The following LOC128462377 variants were observed in gnomAD, a reference collection of about 807,000 sequenced individuals.
chr16:89,402,934 C>T, the LOC128462377 span, among the ~76,000 whole-genome samples: 1 of 152,154 alleles, frequency 6.6e-6, no homozygotes, highest in Admixed American at 6.5e-5. Context: ...ACAAAGCAGG[C>T]AACCTAGCCT....
chr16:89,340,956 T>G, the LOC128462377 span, among the ~76,000 whole-genome samples: 10 of 152,146 alleles, frequency 6.6e-5, no homozygotes, highest in African/African-American at 1.9e-4. Context: ...CATCAGCCAA[T>G]AGAGTCCTGG....
chr16:89,345,997 T>C, the LOC128462377 span, among the ~76,000 whole-genome samples: 1 of 152,040 alleles, frequency 6.6e-6, no homozygotes, highest in African/African-American at 2.4e-5. Context: ...ATCCCAGCAC[T>C]TTGGGAGGCC....
At chr16:89,413,718 C>T in the LOC128462377 span, among the ~76,000 whole-genome samples, 1 of 152,198 alleles carries the variant, frequency 6.6e-6, no homozygotes, top group Non-Finnish European at 1.5e-5. Flanking sequence ...TGTCAGCAGC[C>T]GCCAGGAACC....
At chr16:89,352,101 G>A in the LOC128462377 span, among the ~76,000 whole-genome samples, 1 of 151,574 alleles carries the variant, frequency 6.6e-6, no homozygotes, top group Admixed American at 6.6e-5. Context: ...ATGTTGGTCA[G>A]ATTGGTCTCA....
the LOC128462377 span, among the ~76,000 whole-genome samples, chr16:89,415,829 C>CAAACAAA: frequency 2.5e-5 from 1 of 39,744 alleles, no homozygotes; most frequent in African/African-American, 9.3e-5. Context: ...GACTCTGTCT[C>CAAACAAA]AAAAAAAAAA....
At chr16:89,408,656 G>A in the LOC128462377 span, among the ~76,000 whole-genome samples, 2 of 151,434 alleles carry the variant, frequency 1.3e-5, no homozygotes, top group Non-Finnish European at 2.9e-5. Flanking sequence ...GCCCCTCCTC[G>A]CACCCCCTGC....
At chr16:89,385,349 G>C in the LOC128462377 span, among the ~76,000 whole-genome samples, 1 of 151,638 alleles carries the variant, frequency 6.6e-6, no homozygotes, top group Non-Finnish European at 1.5e-5. Context: ...GGCTGGTCTC[G>C]AACTCCTGAC....
chr16:89,383,178 G>T, the LOC128462377 span, among the ~76,000 whole-genome samples: 1 of 152,224 alleles, frequency 6.6e-6, no homozygotes, highest in African/African-American at 2.4e-5. Context: ...CTGAGTAAAG[G>T]GAGCGGTGCG....
At chr16:89,398,070 G>A in the LOC128462377 span, among the ~76,000 whole-genome samples, 852 of 150,474 alleles carry the variant, frequency 5.7e-3, 5 homozygotes, top group African/African-American at 0.02. Context: ...ATCTGGTGAC[G>A]CTGTGAAACA....
chr16:89,317,069 C>T, the LOC128462377 span: 3 of 1,568,488 alleles, frequency 1.9e-6, no homozygotes, highest in South Asian at 3.4e-5. Flanking sequence ...GCTTCATCAT[C>T]AACCGTCTGC....
At chr16:89,409,708 A>C in the LOC128462377 span, among the ~76,000 whole-genome samples, 1 of 152,226 alleles carries the variant, frequency 6.6e-6, no homozygotes, top group Non-Finnish European at 1.5e-5. Flanking sequence ...CCATTACAAC[A>C]CTGAAGTTTA....
At chr16:89,417,296 A>G in the LOC128462377 span, among the ~76,000 whole-genome samples, 696 of 152,302 alleles carry the variant, frequency 4.6e-3, 6 homozygotes, top group African/African-American at 0.015. Flanking sequence ...AAAACAGATT[A>G]TGTATTTTTG....
At chr16:89,347,519 G>A in the LOC128462377 span, among the ~76,000 whole-genome samples, 1 of 151,410 alleles carries the variant, frequency 6.6e-6, no homozygotes, top group African/African-American at 2.4e-5. Flanking sequence ...GCTGAGGCAG[G>A]AGAATGGCGT....
the LOC128462377 span, among the ~76,000 whole-genome samples, chr16:89,320,815 G>C: frequency 2.0e-5 from 3 of 152,266 alleles, no homozygotes; most frequent in African/African-American, 7.2e-5. Flanking sequence ...GCTGGGAACA[G>C]CCGTCCTTGC....
chr16:89,405,620 C>T, the LOC128462377 span, among the ~76,000 whole-genome samples: 1 of 152,032 alleles, frequency 6.6e-6, no homozygotes, highest in Non-Finnish European at 1.5e-5. Context: ...AGGCCTGAGC[C>T]GCCATGCCCG....
chr16:89,338,358 T>C, the LOC128462377 span, among the ~76,000 whole-genome samples: 1 of 149,040 alleles, frequency 6.7e-6, no homozygotes, highest in South Asian at 2.1e-4. Flanking sequence ...ACTGACTACC[T>C]GCAAAATTGA....
chr16:89,340,623 G>A, the LOC128462377 span, among the ~76,000 whole-genome samples: 1 of 152,246 alleles, frequency 6.6e-6, no homozygotes, highest in East Asian at 1.9e-4. Context: ...AGGGGAAACA[G>A]TACTTTGCAC....
the LOC128462377 span, among the ~76,000 whole-genome samples, chr16:89,416,006 T>G: frequency 6.6e-6 from 1 of 151,898 alleles, no homozygotes; most frequent in Non-Finnish European, 1.5e-5. Flanking sequence ...ACAGACCTCA[T>G]GCTAAGGGCC....
At chr16:89,394,606 C>T in the LOC128462377 span, among the ~76,000 whole-genome samples, 475 of 148,924 alleles carry the variant, frequency 3.2e-3, 2 homozygotes, top group African/African-American at 0.011. Flanking sequence ...CCAGCCTGGG[C>T]GACAAAAGCA....
Sources: allele counts gnomAD v4.1 joint callset (sites outside exome capture counted in the v4.1 genomes callset), GRCh38; gene constraint gnomAD v4.1.1; transcripts MANE v1.5.